The following OPA1 variants were observed in gnomAD, a reference collection of about 807,000 sequenced individuals.
The protein encoded by OPA1 is OPA1 mitochondrial dynamin like GTPase.
Under a neutral mutation model 152.9 loss-of-function variants are expected in OPA1, and 59 were observed. The ratio of observed to expected loss-of-function variants is 0.39; its 90% CI spans 0.31 to 0.48. The LOEUF is 0.48. Among genes scored for constraint, OPA1 ranks in the 20% least tolerant of loss-of-function variants. The pLI is 0.96. For missense variants in OPA1, 1,008 were observed against 1,216.8 expected (o/e 0.83, Z 2.55); for synonymous variants, 400 against 389.9 (o/e 1.03, Z -0.31).
Position 193,617,162 on chromosome 3 carries a change from T to A in OPA1, c.449-16T>A. 1 of 1,447,178 alleles carries A rather than the reference T, an allele frequency of 6.9e-7. No homozygotes were observed. Among genetic ancestry groups the A allele is most frequent in the Non-Finnish European group, 9.7e-7 (1 of 1,028,240 alleles). The allele number at this position is 1,447,178 out of a possible 1,614,324, so 89.6% of individuals were successfully genotyped here. A position where few individuals can be genotyped will look rare whatever the true frequency, so the allele number is the denominator to read the frequency against. On this transcript the variant is annotated splice_polypyrimidine_tract_variant and intron_variant, in intron 3 of 30. Transcript: ENST00000361510. ...TTTTCTTAGTTTCATACTCTATATGTTTTGATCTTTTCCAGAGAAAATTAG... is the reference window on the plus strand; with the variant it reads ...TTTTCTTAGTTTCATACTCTATATGATTTGATCTTTTCCAGAGAAAATTAG...
intron 19 of OPA1, 41 bp downstream of exon 19, chr3:193,647,221 T>A (rs1179862750): frequency 3.9e-6 from 5 of 1,283,324 alleles, no homozygotes; most frequent in Non-Finnish European, 5.6e-6. Flanking sequence ...ATTAAGACAT[T>A]TTATTAGCTG....
intron 6 of OPA1, among the ~76,000 whole-genome samples, chr3:193,621,131 A>G (rs1168535465): frequency 6.6e-6 from 1 of 152,268 alleles, no homozygotes; most frequent in East Asian, 1.9e-4. Flanking sequence ...GTTTCTGGCT[A>G]GACTTCTACT....
intron 4 of OPA1, among the ~76,000 whole-genome samples, chr3:193,617,516 G>A (rs1196025796): frequency 6.6e-6 from 1 of 152,182 alleles, no homozygotes; most frequent in Non-Finnish European, 1.5e-5. Context: ...GGCTTTTAGT[G>A]AGGGGAAAAA....
chr3:193,618,294 C>T (rs1002650349), intron 5 of OPA1, among the ~76,000 whole-genome samples: 7 of 151,718 alleles, frequency 4.6e-5, no homozygotes, highest in Non-Finnish European at 7.4e-5. Flanking sequence ...CTGGCTAACA[C>T]GGTGAAACCC....
intron 6 of OPA1, among the ~76,000 whole-genome samples, chr3:193,623,206 A>G (rs542077590): frequency 9.2e-5 from 14 of 152,260 alleles, no homozygotes; most frequent in Admixed American, 4.6e-4. Context: ...TGTAAGGCCA[A>G]TAACTCCAGA....
At position 193,694,772 on chromosome 3, in the gene OPA1, C is replaced by T. The variant is rs1349432346; in HGVS notation, c.*172C>T. 2 of 152,110 alleles carry T rather than the reference C, an allele frequency of 1.3e-5. No homozygotes were observed. Among genetic ancestry groups the T allele is most frequent in the East Asian group, 3.9e-4 (2 of 5,194 alleles). The allele number at this position is 152,110 out of a possible 1,614,324, so 9.4% of individuals were successfully genotyped here. ...GGCGCTTTAACCATCAGCTGCCTCTCGAATGGAAGAACAGTGGTAATGGAT... is the reference window on the plus strand; with the variant it reads ...GGCGCTTTAACCATCAGCTGCCTCTTGAATGGAAGAACAGTGGTAATGGAT... On this transcript the variant is annotated 3_prime_UTR_variant, in exon 31 of 31. Transcript: ENST00000361510.
At chr3:193,684,452 T>C (rs1443920870) in intron 29 of OPA1, among the ~76,000 whole-genome samples, 4 of 144,256 alleles carry the variant, frequency 2.8e-5, no homozygotes, top group Non-Finnish European at 1.5e-5. Flanking sequence ...CTACCTTTTT[T>C]TTTTTTTTTT....
At chr3:193,675,738 T>C (rs2109350268) in intron 29 of OPA1, among the ~76,000 whole-genome samples, 1 of 152,368 alleles carries the variant, frequency 6.6e-6, no homozygotes, top group East Asian at 1.9e-4. Flanking sequence ...TTTTCATGTC[T>C]ATCACGGTCG....
chr3:193,688,779 G>A (rs899471102), intron 29 of OPA1, among the ~76,000 whole-genome samples: 6 of 152,076 alleles, frequency 3.9e-5, no homozygotes, highest in Admixed American at 6.5e-5. Flanking sequence ...CCAAGACTTC[G>A]AGACCAGCCT....
chr3:193,660,218 G>T (rs1714931016), intron 25 of OPA1, among the ~76,000 whole-genome samples: 1 of 152,028 alleles, frequency 6.6e-6, no homozygotes, highest in Non-Finnish European at 1.5e-5. Flanking sequence ...TACCATTAAA[G>T]TCCCTACCCC....
intron 8 of OPA1, among the ~76,000 whole-genome samples, chr3:193,633,391 T>A (rs985217465): frequency 2.6e-5 from 4 of 152,218 alleles, no homozygotes; most frequent in African/African-American, 9.6e-5. Context: ...TTGGCATCTG[T>A]ACCAAAATGT....
In OPA1 at chr3:193,604,480, C is replaced by T. The variant is rs141085910; in HGVS notation, c.33-10243C>T. On this transcript the variant is annotated intron_variant, in intron 1 of 30. Transcript: ENST00000361510. The stretch of plus-strand genomic sequence containing the variant: ...TCTTTTGGTTGCAGGTCGAGGAAAA[C>T]TTTAAATAGGTTTTATCCTCTCAGG... Among the ~76,000 whole-genome samples the T allele has an allele frequency of 4.5e-3, 690 of 152,254 alleles. 4 individuals carry two copies. Among genetic ancestry groups the T allele is most frequent in the African/African-American group, 0.016 (661 of 41,546 alleles).
Position 193,643,066 on chromosome 3 carries a change from A to G in OPA1, c.1305+17A>G, listed in dbSNP as rs1242305313. The G allele has an allele frequency of 6.3e-7, 1 of 1,586,574 alleles. No individual in the cohort carries two copies. Among genetic ancestry groups the G allele is most frequent in the South Asian group, 1.1e-5 (1 of 90,366 alleles). On this transcript the variant is annotated intron_variant, in intron 13 of 30. Coordinates refer to ENST00000361510, the MANE Select transcript of OPA1 (RefSeq NM_130837.3). ...AGCCCTGAGGTAAGGGTTGCAATTC[A>G]TTTCAGTGACGTTTTATGGAAATTA...
At chr3:193,674,208 C>G (rs1718516347) in intron 29 of OPA1, among the ~76,000 whole-genome samples, 1 of 152,200 alleles carries the variant, frequency 6.6e-6, no homozygotes, top group Admixed American at 6.5e-5. Flanking sequence ...TCCCAGTCTC[C>G]TCTTATCCTT....
intron 16 of OPA1, 179 bp downstream of exon 16, chr3:193,644,284 A>G: frequency 1.5e-6 from 1 of 652,998 alleles, no homozygotes; most frequent in Non-Finnish European, 2.5e-6. Flanking sequence ...TGAAGTCTGA[A>G]GGAAACCAGG....
At chr3:193,642,890 T>G (rs916133547) in intron 12 of OPA1, 45 bp downstream of exon 12, 1 of 1,558,754 alleles carries the variant, frequency 6.4e-7, no homozygotes, top group South Asian at 1.1e-5. Context: ...TTTTATAACC[T>G]GGATGAGCTT....
intron 3 of OPA1, among the ~76,000 whole-genome samples, chr3:193,616,475 T>C (rs1729027531): frequency 6.6e-6 from 1 of 152,244 alleles, no homozygotes; most frequent in Admixed American, 6.5e-5. Flanking sequence ...GTAGCCTTTC[T>C]ATTAATAATA....
At position 193,593,336 on chromosome 3, in the gene OPA1, G is replaced by A; in HGVS notation, c.-42G>A. The A allele has an allele frequency of 6.5e-7, 1 of 1,536,740 alleles. No homozygotes were observed. The highest frequency in any genetic ancestry group is 8.8e-7 in the Non-Finnish European group (1 of 1,140,192). On this transcript the variant is annotated 5_prime_UTR_variant, in exon 1 of 31. Coordinates refer to ENST00000361510, the MANE Select transcript of OPA1 (RefSeq NM_130837.3). Reference sequence around the variant, plus strand: ...GGCTGGGGCTCACACGGGGGCTCCCGCGTGGCCGTCTCGGCGCCTGCGTGA... The same window carrying A: ...GGCTGGGGCTCACACGGGGGCTCCCACGTGGCCGTCTCGGCGCCTGCGTGA...
At chr3:193,609,190 T>A (rs1047220777) in intron 1 of OPA1, among the ~76,000 whole-genome samples, 1 of 152,210 alleles carries the variant, frequency 6.6e-6, no homozygotes, top group Non-Finnish European at 1.5e-5. Context: ...ATTGGAGCAT[T>A]TAGCCCATTT....
Sources: gnomAD v4.1 joint callset for allele counts (sites outside exome capture counted in the v4.1 genomes callset) on GRCh38, gnomAD v4.1.1 for gene constraint, MANE v1.5 for transcripts, NCBI Gene and HGNC (gene_info 2026-07-23, HGNC 2026-07-21) for gene names.